The following ATP9A variants were observed in gnomAD, a reference collection of about 807,000 sequenced individuals.
The protein encoded by ATP9A is probable phospholipid-transporting ATPase IIA.
In ATP9A, 52 loss-of-function variants were observed where a neutral mutation model predicts 144.1. The observed-to-expected ratio is 0.36, with a 90% CI of 0.29 to 0.45. The LOEUF is 0.45. Ranked by LOEUF, ATP9A falls within the 20% of genes least tolerant of loss-of-function variation. The pLI is 1.00. For synonymous variants in ATP9A, 582 were observed against 557.4 expected (o/e 1.04, Z -0.62); for missense variants, 947 against 1,392.7 (o/e 0.68, Z 5.09).
chr20:51,689,253 G>A lies in ATP9A; in HGVS notation c.724-114C>T, dbSNP rs562184078. On this transcript the variant is annotated intron_variant, in intron 8 of 27. Transcript: ENST00000338821. ...AAGACAGGCTCCCCCCGATGAACCT[G>A]GAAGCCCAGTTTGGAAGCCGACGGC... 3.1e-5 allele frequency: 33 copies of A among 1,078,536 alleles called. No homozygotes were observed. The African/African-American group carries it at 4.9e-4, about 16-fold the overall frequency. 66.8% of individuals were successfully genotyped at this position (1,078,536 alleles called of 1,614,324 possible). A position where few individuals can be genotyped will look rare whatever the true frequency, so the allele number is the denominator to read the frequency against.
Position 51,608,598 on chromosome 20 carries a change from C to T in ATP9A, c.2665G>A (p.Val889Met), listed in dbSNP as rs756569236. ...TCTTTGTCCAGGACCAGAGAAAACA[C>T]AGGAAACATGGTGTAAATTGTGGAG... ...GYSTIYTMFP[V>M]FSLVLDKDVK... The change falls in exon 25 of 28, where the codon GTG becomes ATG. Residue 889 changes from valine to methionine, a missense_variant. Coordinates refer to ENST00000338821, the MANE Select transcript of ATP9A (RefSeq NM_006045.3). The T allele has an allele frequency of 6.2e-7, 1 of 1,613,362 alleles. No individual in the cohort carries two copies. Among genetic ancestry groups the T allele is most frequent in the Non-Finnish European group, 8.5e-7 (1 of 1,179,268 alleles).
chr20:51,657,813 G>A (rs909944515), intron 13 of ATP9A, among the ~76,000 whole-genome samples: 4 of 152,204 alleles, frequency 2.6e-5, no homozygotes, highest in African/African-American at 7.2e-5. Context: ...AACCTTGGCC[G>A]GATGGGACTC....
At chr20:51,644,290 T>TTC (rs2077332810) in intron 14 of ATP9A, among the ~76,000 whole-genome samples, 1 of 148,038 alleles carries the variant, frequency 6.8e-6, no homozygotes, top group Non-Finnish European at 1.5e-5. Flanking sequence ...TTTTTTTTTT[T>TTC]GAGACGGAGT....
At position 51,636,628 on chromosome 20, in the gene ATP9A, G is replaced by A. The variant is rs183530727; in HGVS notation, c.1668+2715C>T. ...AGTTCCAGCCCCACTAATTCCAGCTGTGTGAACTTGGACAGGTTTCCCAGC... is the reference window on the plus strand; with the variant it reads ...AGTTCCAGCCCCACTAATTCCAGCTATGTGAACTTGGACAGGTTTCCCAGC... On this transcript the variant is annotated intron_variant, in intron 15 of 27. Coordinates refer to ENST00000338821, the MANE Select transcript of ATP9A (RefSeq NM_006045.3). Among the ~76,000 whole-genome samples, 26 of 152,322 alleles carry A rather than the reference G, an allele frequency of 1.7e-4. No homozygotes were observed. The East Asian group carries it at 4.8e-3, about 28-fold the overall frequency.
At chr20:51,767,749 C>T (rs1480695298) in intron 1 of ATP9A, among the ~76,000 whole-genome samples, 2 of 152,084 alleles carry the variant, frequency 1.3e-5, no homozygotes, top group Admixed American at 1.3e-4. Flanking sequence ...CCACCCCGGG[C>T]GGAGGGGGAA....
At chr20:51,676,079 C>A in intron 10 of ATP9A, 53 bp downstream of exon 10, 11 of 1,428,452 alleles carry the variant, frequency 7.7e-6, no homozygotes, top group Non-Finnish European at 1.1e-5. Flanking sequence ...CACTCACCCA[C>A]CAGAACCAAC....
At chr20:51,629,219 G>A (rs899569067) in intron 15 of ATP9A, 147 bp from the exon 16 acceptor site, 2 of 574,412 alleles carry the variant, frequency 3.5e-6, no homozygotes, top group Admixed American at 3.0e-5. Flanking sequence ...AAGCGAGAAG[G>A]GGCCTCATTT....
At chr20:51,609,650 A>G (rs6013228) in intron 24 of ATP9A, among the ~76,000 whole-genome samples, 5,824 of 152,268 alleles carry the variant, frequency 0.038, 396 homozygotes, top group African/African-American at 0.13. Context: ...TTACTTGCAC[A>G]TCCCCGAGGC....
At chr20:51,734,954 T>C in intron 1 of ATP9A, 2 of 206,912 alleles carry the variant, frequency 9.7e-6, no homozygotes, top group South Asian at 1.7e-4. Context: ...CTAAGGGTCT[T>C]AGGCTGTGCT....
chr20:51,627,428 AAG>A (rs2077253889), intron 17 of ATP9A, among the ~76,000 whole-genome samples, 170 bp downstream of exon 17: 2 of 152,156 alleles, frequency 1.3e-5, no homozygotes, highest in African/African-American at 4.8e-5. Context: ...TCTGTGGGTG[AAG>A]AGAGTTCCAG....
chr20:51,741,578 AAAAAAT>A (rs956042518), intron 1 of ATP9A, among the ~76,000 whole-genome samples: 29 of 152,298 alleles, frequency 1.9e-4, no homozygotes, highest in Middle Eastern at 3.4e-3. Context: ...ACTCCGTCTC[AAAAAAT>A]AAAAATAAAA....
intron 4 of ATP9A, among the ~76,000 whole-genome samples, chr20:51,707,898 C>T (rs750278928): frequency 3.9e-4 from 59 of 151,954 alleles, no homozygotes; most frequent in Non-Finnish European, 7.9e-4. Flanking sequence ...TGGAGTCTGG[C>T]TCTGTCCCCC....
Position 51,729,836 on chromosome 20 carries a change from C to T in ATP9A, c.211G>A (p.Gly71Arg). The change falls in exon 2 of 28, where the codon GGG (glycine) becomes AGG (arginine). Residue 71 changes from glycine to arginine, a missense_variant and splice_region_variant. By Grantham distance (125) the Gly-to-Arg change is moderately radical. Transcript: ENST00000338821. Reference protein sequence around the residue: ...QKYNFFTFLPGVLFNQFKYFF... With the variant: ...QKYNFFTFLPRVLFNQFKYFF... ...GCACGGTCCCTGCCTGCACGTACCC[C>T]AGGAAGAAAGGTGAAGAAATTGTAC... is the stretch of plus-strand genomic sequence containing the variant. 1 of 1,581,328 alleles carries T rather than the reference C, an allele frequency of 6.3e-7. No homozygotes were observed. Among genetic ancestry groups the T allele is most frequent in the South Asian group, 1.2e-5 (1 of 86,170 alleles).
At chr20:51,705,344 T>A (rs1481351724) in intron 4 of ATP9A, among the ~76,000 whole-genome samples, 1 of 152,184 alleles carries the variant, frequency 6.6e-6, no homozygotes. Flanking sequence ...ACTCAAGAGA[T>A]CCTTGAGGTT....
intron 4 of ATP9A, among the ~76,000 whole-genome samples, chr20:51,704,817 A>G (rs544730696): frequency 2.2e-4 from 33 of 152,336 alleles, no homozygotes; most frequent in African/African-American, 7.9e-4. Flanking sequence ...AAAACTTTAT[A>G]TCTGTACCAG....
intron 9 of ATP9A, 100 bp from the exon 10 acceptor site, chr20:51,676,308 CTTT>C (rs757176327): frequency 6.7e-5 from 46 of 683,104 alleles, no homozygotes; most frequent in Non-Finnish European, 7.5e-5. Context: ...AGACTGGGTT[CTTT>C]TTTTTTTTTG....
intron 27 of ATP9A, among the ~76,000 whole-genome samples, chr20:51,602,094 T>C (rs1166327120): frequency 6.6e-6 from 1 of 151,916 alleles, no homozygotes; most frequent in African/African-American, 2.4e-5. Context: ...TGAGTCTGGG[T>C]CATGGTGCAA....
chr20:51,759,622 G>A (rs1041229889), intron 1 of ATP9A, among the ~76,000 whole-genome samples: 2 of 151,986 alleles, frequency 1.3e-5, no homozygotes, highest in Admixed American at 6.6e-5. Flanking sequence ...GCAGTGAGCC[G>A]AGATCGCACC....
rs8118392 is a variant in ATP9A at position 51,729,815 on chromosome 20, G to C, written c.213+19C>G. ...TGTGATGGAAAAAAGAAAAGAGCAC[G>C]GTCCCTGCCTGCACGTACCCCAGGA... On this transcript the variant is annotated intron_variant, in intron 2 of 27. Transcript: ENST00000338821. 6.5e-7 allele frequency: 1 copy of C among 1,536,904 alleles called. No homozygotes were observed. The highest frequency in any genetic ancestry group is 1.4e-5 in the African/African-American group (1 of 71,204).
Sources: allele counts gnomAD v4.1 joint callset (sites outside exome capture counted in the v4.1 genomes callset), GRCh38; gene constraint gnomAD v4.1.1; transcripts MANE v1.5; gene names NCBI Gene and HGNC (gene_info 2026-07-23, HGNC 2026-07-21).